Variants in ABCD3 observed in about 807,000 individuals in gnomAD.
ABCD3 encodes ATP binding cassette subfamily D member 3, also known as ATP-binding cassette sub-family D member 3.
In ABCD3, 41 loss-of-function variants were observed where a neutral mutation model predicts 105.5. The ratio of observed to expected loss-of-function variants is 0.39; its 90% confidence interval spans 0.30 to 0.50. The LOEUF (loss-of-function observed/expected upper bound fraction) is 0.50. Ranked by LOEUF, ABCD3 falls within the 20% of genes least tolerant of loss-of-function variation. The pLI is 0.84. For synonymous variants in ABCD3, 258 were observed against 269.0 expected, an observed-to-expected ratio of 0.96 and a Z score of 0.40; for missense variants, 622 against 806.3, an observed-to-expected ratio of 0.77 and a Z score of 2.77.
chr1:94,474,245 TGGGGGGATTTAGA>T (rs894961976), intron 5 of ABCD3, among the ~76,000 whole-genome samples: 5 of 135,646 alleles, frequency 3.7e-5, no homozygotes, highest in African/African-American at 1.3e-4. Context: ...CTTGGGGAGT[TGGGGGGATTTAGA>T]GGGGGGAATG....
chr1:94,470,661 A>T (rs1296239791), intron 4 of ABCD3, among the ~76,000 whole-genome samples: 3 of 151,904 alleles, frequency 2.0e-5, no homozygotes, highest in African/African-American at 4.8e-5. Context: ...TCTTGTGTTT[A>T]AAAAGAAATT....
chr1:94,441,865 C>T (rs540046036), intron 1 of ABCD3, among the ~76,000 whole-genome samples: 35 of 151,888 alleles, frequency 2.3e-4, no homozygotes, highest in African/African-American at 4.3e-4. Context: ...TGAGTAAGAA[C>T]GGGGTCAAAA....
At chr1:94,394,264 T>A in the ABCD3 span, among the ~76,000 whole-genome samples, 1 of 152,180 alleles carries the variant, frequency 6.6e-6, no homozygotes, top group South Asian at 2.1e-4. Context: ...AGTATGATAA[T>A]CTGTGAGACA....
the ABCD3 span, among the ~76,000 whole-genome samples, chr1:94,396,754 G>T: frequency 6.6e-6 from 1 of 152,148 alleles, no homozygotes; most frequent in African/African-American, 2.4e-5. Context: ...CTAATATTAA[G>T]GCTTTCCTGT....
intron 21 of ABCD3, 42 bp downstream of exon 21, chr1:94,506,684 A>G (rs751604510): frequency 1.4e-6 from 2 of 1,405,934 alleles, no homozygotes; most frequent in African/African-American, 1.4e-5. Flanking sequence ...ATGGCCTCCT[A>G]CCTAGTGTAA....
intron 1 of ABCD3, among the ~76,000 whole-genome samples, chr1:94,434,285 T>C (rs1240924687): frequency 6.6e-6 from 1 of 152,244 alleles, no homozygotes; most frequent in East Asian, 1.9e-4. Context: ...ATTCATATGA[T>C]AGCAGTACCT....
At chr1:94,456,822 A>C (rs945355141) in intron 1 of ABCD3, among the ~76,000 whole-genome samples, 1 of 152,188 alleles carries the variant, frequency 6.6e-6, no homozygotes, top group Non-Finnish European at 1.5e-5. Context: ...AGGAACCTCC[A>C]TACTGTTTTC....
At chr1:94,427,588 G>C (rs901254139) in intron 1 of ABCD3, among the ~76,000 whole-genome samples, 6 of 152,122 alleles carry the variant, frequency 3.9e-5, no homozygotes, top group African/African-American at 1.4e-4. Context: ...CTTGAATTAT[G>C]AAGGAGAAAG....
chr1:94,508,194 T>C (rs1020824441), intron 21 of ABCD3, among the ~76,000 whole-genome samples: 1 of 152,238 alleles, frequency 6.6e-6, no homozygotes, highest in Non-Finnish European at 1.5e-5. Flanking sequence ...GGATCCAGTT[T>C]TAGCTTTCTA....
intron 21 of ABCD3, among the ~76,000 whole-genome samples, chr1:94,509,492 G>T (rs1557693260): frequency 6.6e-6 from 1 of 152,172 alleles, no homozygotes; most frequent in African/African-American, 2.4e-5. Flanking sequence ...TCAGGATGAT[G>T]CTGGCCTCAT....
In ABCD3 at chr1:94,467,699, A is replaced by G. The variant is rs566542222; in HGVS notation, c.247-220A>G. On this transcript the variant is annotated intron_variant, in intron 3 of 22. Coordinates refer to ENST00000370214, the MANE Select transcript of ABCD3 (RefSeq NM_002858.4). ...AGGATTCACTTTTGAATTCTGAATG[A>G]GAAAGATTAAATGAATCTATGAGGC... 5.3e-5 allele frequency among the ~76,000 whole-genome samples: 8 copies of G among 152,342 alleles called. No individual in the cohort carries two copies. In the South Asian group the frequency reaches 1.7e-3, roughly 32 times the overall value.
At position 94,466,527 on chromosome 1, in the gene ABCD3, T is replaced by C. The variant is rs1282361936; in HGVS notation, c.247-1392T>C. Among the ~76,000 whole-genome samples, 3 of 152,342 alleles carry C rather than the reference T, an allele frequency of 2.0e-5. No individual in the cohort carries two copies. In the East Asian group the frequency reaches 5.8e-4, roughly 29 times the overall value. On this transcript the variant is annotated intron_variant, in intron 3 of 22. Coordinates refer to ENST00000370214, the MANE Select transcript of ABCD3 (RefSeq NM_002858.4). ...TGCTTAGGAGATCATTGTTTTACGATCTGGCCCTATGTCCTCAGCCTTTCA... is the reference window on the plus strand; with the variant it reads ...TGCTTAGGAGATCATTGTTTTACGACCTGGCCCTATGTCCTCAGCCTTTCA...
rs765844085 is a variant in ABCD3, at chr1:94,498,937, A to G, written c.1531-8A>G. On this transcript the variant is annotated splice_region_variant and splice_polypyrimidine_tract_variant and intron_variant, in intron 18 of 22. Coordinates refer to ENST00000370214, the MANE Select transcript of ABCD3 (RefSeq NM_002858.4). ...GCTTCTAATTGACTTTTGCTCTACT[A>G]CTGTCAGAGACCTTACATGACCCTT... is the stretch of plus-strand genomic sequence containing the variant. 6 of 1,613,216 alleles carry G rather than the reference A, an allele frequency of 3.7e-6. No homozygotes were observed. The highest frequency in any genetic ancestry group is 4.2e-6 in the Non-Finnish European group (5 of 1,179,308).
chr1:94,479,508 C>T (rs895422289), intron 8 of ABCD3, among the ~76,000 whole-genome samples: 3 of 151,668 alleles, frequency 2.0e-5, no homozygotes, highest in Non-Finnish European at 4.4e-5. Context: ...ATAAGTAAGA[C>T]ACAATTCCTG....
At position 94,489,004 on chromosome 1, in the gene ABCD3, G is replaced by A. The variant is rs114684835; in HGVS notation, c.1158-721G>A. On this transcript the variant is annotated intron_variant, in intron 13 of 22. Coordinates refer to ENST00000370214, the MANE Select transcript of ABCD3 (RefSeq NM_002858.4). ...ATGAATATGGGAATAAGTTATACAC[G>A]TGTGAAACCATCAAGACCATAAACA... Among the ~76,000 whole-genome samples the A allele has an allele frequency of 3.6e-3, 546 of 151,984 alleles. 1 individual carries two copies. Among genetic ancestry groups the A allele is most frequent in the Non-Finnish European group, 6.2e-3 (422 of 67,922 alleles).
intron 16 of ABCD3, among the ~76,000 whole-genome samples, chr1:94,498,328 T>A (rs1040716874): frequency 2.0e-5 from 3 of 152,062 alleles, no homozygotes; most frequent in South Asian, 4.1e-4. Context: ...TGCCTTAGCC[T>A]CCCAAAATGC....
intron 1 of ABCD3, among the ~76,000 whole-genome samples, chr1:94,421,984 A>G (rs1395461001): frequency 6.6e-6 from 1 of 152,170 alleles, no homozygotes; most frequent in Non-Finnish European, 1.5e-5. Context: ...AACTTTCTGT[A>G]TTCATGGTGT....
At chr1:94,397,389 C>G in the ABCD3 span, among the ~76,000 whole-genome samples, 1 of 152,232 alleles carries the variant, frequency 6.6e-6, no homozygotes, top group Non-Finnish European at 1.5e-5. Context: ...TCAGCCTCCT[C>G]CAATCTGTGA....
At chr1:94,490,892 C>A (rs992991757) in intron 15 of ABCD3, among the ~76,000 whole-genome samples, 2 of 152,056 alleles carry the variant, frequency 1.3e-5, no homozygotes, top group Non-Finnish European at 2.9e-5. Context: ...CAACAATGTA[C>A]AAGGTTTCCT....
Sources: gnomAD v4.1 joint callset for allele counts (sites outside exome capture counted in the v4.1 genomes callset) on GRCh38, gnomAD v4.1.1 for gene constraint, MANE v1.5 for transcripts, NCBI Gene and HGNC (gene_info 2026-07-23, HGNC 2026-07-21) for gene names.